The following SPAG16 variants were observed in gnomAD, a reference collection of about 807,000 sequenced individuals.
SPAG16 encodes sperm associated antigen 16.
A neutral mutation model predicts 80.4 loss-of-function variants in SPAG16; 86 were observed. That is an observed-to-expected ratio of 1.07 (90% confidence interval 0.90 to 1.28). The LOEUF is 1.28. Among genes scored for constraint, SPAG16 ranks in the 50% most tolerant of loss-of-function variants. The pLI is 0.00. For missense variants in SPAG16, 870 were observed against 765.3 expected, an observed-to-expected ratio of 1.14 and a Z score of -1.61; for synonymous variants, 294 against 265.9, an observed-to-expected ratio of 1.11 and a Z score of -1.03.
intron 10 of SPAG16, among the ~76,000 whole-genome samples, chr2:213,529,522 G>C (rs1169749851): frequency 6.6e-6 from 1 of 152,162 alleles, no homozygotes; most frequent in Non-Finnish European, 1.5e-5. Flanking sequence ...AGTGTGTTCT[G>C]AGAAGTGTGT....
intron 10 of SPAG16, among the ~76,000 whole-genome samples, chr2:213,667,390 G>A (rs534246444): frequency 1.3e-5 from 2 of 152,196 alleles, no homozygotes; most frequent in African/African-American, 4.8e-5. Context: ...ACCCACTCTG[G>A]GATATTTTGG....
chr2:214,264,485 T>A (rs754778521), intron 15 of SPAG16, among the ~76,000 whole-genome samples: 1 of 152,144 alleles, frequency 6.6e-6, no homozygotes, highest in Non-Finnish European at 1.5e-5. Context: ...AGTTTTAGGT[T>A]TACAGAAAAA....
intron 12 of SPAG16, among the ~76,000 whole-genome samples, chr2:214,005,868 G>GA (rs921367859): frequency 6.6e-6 from 1 of 152,088 alleles, no homozygotes; most frequent in Non-Finnish European, 1.5e-5. Context: ...AGGAGGTGAG[G>GA]AAAATCCCTC....
At chr2:213,484,782 T>C (rs1295022438) in intron 9 of SPAG16, among the ~76,000 whole-genome samples, 2 of 152,178 alleles carry the variant, frequency 1.3e-5, no homozygotes, top group African/African-American at 2.4e-5. Flanking sequence ...CACGTTGATA[T>C]TTTGACTTGA....
At chr2:214,402,730 G>A (rs78370968) in intron 15 of SPAG16, among the ~76,000 whole-genome samples, 2,229 of 151,912 alleles carry the variant, frequency 0.015, 63 homozygotes, top group African/African-American at 0.051. Flanking sequence ...TGGGTACATT[G>A]GATGGTCTCC....
intron 15 of SPAG16, among the ~76,000 whole-genome samples, chr2:214,296,140 G>A (rs989682052): frequency 6.6e-5 from 10 of 152,112 alleles, no homozygotes; most frequent in African/African-American, 1.9e-4. Flanking sequence ...TTAAAAGTTA[G>A]AATAAGTGAT....
In SPAG16 at chr2:213,523,003, T is replaced by C. The variant is rs958638214; in HGVS notation, c.1070+32913T>C. Among the ~76,000 whole-genome samples the C allele has an allele frequency of 2.0e-5, 3 of 152,114 alleles. No individual in the cohort carries two copies. In the East Asian group the frequency reaches 5.8e-4, roughly 29 times the overall value. The stretch of plus-strand genomic sequence containing the variant: ...TATTAATAGCCCTTGTCTTATTAAA[T>C]TTAAAACACTTTGTCTAAAATACTT... On this transcript the variant is annotated intron_variant, in intron 10 of 15. Coordinates refer to ENST00000331683, the MANE Select transcript of SPAG16 (RefSeq NM_024532.5).
At chr2:213,735,988 G>A (rs1228026281) in intron 10 of SPAG16, among the ~76,000 whole-genome samples, 3 of 152,132 alleles carry the variant, frequency 2.0e-5, no homozygotes, top group African/African-American at 2.4e-5. Flanking sequence ...CTGGAGATGA[G>A]GGAATTGATA....
chr2:213,678,346 G>A (rs1468248635), intron 10 of SPAG16, among the ~76,000 whole-genome samples: 2 of 151,918 alleles, frequency 1.3e-5, no homozygotes, highest in Non-Finnish European at 2.9e-5. Flanking sequence ...TTTTTGAAAG[G>A]ATCAACAAAA....
intron 9 of SPAG16, among the ~76,000 whole-genome samples, chr2:213,458,271 T>A (rs2072152660): frequency 6.6e-6 from 1 of 151,410 alleles, no homozygotes; most frequent in Admixed American, 6.6e-5. Context: ...TGATGAAGAT[T>A]AAAAAAAAAT....
chr2:213,725,369 T>G (rs2066719970), intron 10 of SPAG16, among the ~76,000 whole-genome samples: 1 of 152,228 alleles, frequency 6.6e-6, no homozygotes, highest in South Asian at 2.1e-4. Flanking sequence ...CTCACTAATC[T>G]GATTCTTAGT....
chr2:213,737,058 C>A (rs888933789), intron 10 of SPAG16, among the ~76,000 whole-genome samples: 1 of 152,080 alleles, frequency 6.6e-6, no homozygotes, highest in Non-Finnish European at 1.5e-5. Flanking sequence ...ATTAAGGCAG[C>A]CAACATTTTA....
chr2:213,767,303 G>A (rs912047377), intron 10 of SPAG16, among the ~76,000 whole-genome samples: 5 of 151,974 alleles, frequency 3.3e-5, no homozygotes, highest in African/African-American at 1.2e-4. Flanking sequence ...CACGCAGTAG[G>A]GTATCATGTA....
At chr2:213,780,211 T>A (rs541611280) in intron 10 of SPAG16, among the ~76,000 whole-genome samples, 2 of 152,300 alleles carry the variant, frequency 1.3e-5, no homozygotes, top group Non-Finnish European at 2.9e-5. Context: ...TAGTGAGAGG[T>A]ACTTTTACCA....
intron 12 of SPAG16, among the ~76,000 whole-genome samples, chr2:213,986,692 C>T (rs1424761632): frequency 6.6e-6 from 1 of 151,646 alleles, no homozygotes; most frequent in African/African-American, 2.4e-5. Context: ...ATTTTCATAT[C>T]GTACTTTCGT....
At chr2:214,325,257 G>A (rs939966585) in intron 15 of SPAG16, among the ~76,000 whole-genome samples, 3 of 152,150 alleles carry the variant, frequency 2.0e-5, no homozygotes, top group East Asian at 3.8e-4. Context: ...TTAAATGGAC[G>A]TGCTGGTTTG....
chr2:213,426,028 T>A (rs2069892597), intron 9 of SPAG16, among the ~76,000 whole-genome samples: 1 of 152,216 alleles, frequency 6.6e-6, no homozygotes, highest in South Asian at 2.1e-4. Flanking sequence ...GAAAAATATT[T>A]GCTATTATTA....
At chr2:213,294,544 A>C (rs1210819201) in intron 1 of SPAG16, among the ~76,000 whole-genome samples, 1 of 152,184 alleles carries the variant, frequency 6.6e-6, no homozygotes, top group Admixed American at 6.5e-5. Context: ...TTAACTAGCT[A>C]TTTTTGAGCC....
intron 10 of SPAG16, among the ~76,000 whole-genome samples, chr2:213,750,209 A>T (rs981516605): frequency 6.6e-6 from 1 of 152,236 alleles, no homozygotes; most frequent in Non-Finnish European, 1.5e-5. Context: ...ATTTGTAAAG[A>T]TTAACATTGC....
Sources: gnomAD v4.1 joint callset for allele counts (sites outside exome capture counted in the v4.1 genomes callset) on GRCh38, gnomAD v4.1.1 for gene constraint, MANE v1.5 for transcripts, NCBI Gene and HGNC (gene_info 2026-07-23, HGNC 2026-07-21) for gene names.